Variants in SATB2 observed in about 807,000 individuals in gnomAD.
SATB2 encodes the protein SATB homeobox 2.
In SATB2, 1 loss-of-function variant was observed where a neutral mutation model predicts 73.4. The observed-to-expected ratio is 0.01, with a 90% CI of 0.00 to 0.06. The LOEUF is 0.06. SATB2 is among the 10% of genes least tolerant of loss of function. The pLI is 1.00. For synonymous variants in SATB2, 397 were observed against 367.0 expected (o/e 1.08, Z -0.93); for missense variants, 459 against 945.8 (o/e 0.49, Z 6.75).
At chr2:199,372,185 T>C (rs1323914204) in intron 5 of SATB2, among the ~76,000 whole-genome samples, 1 of 152,176 alleles carries the variant, frequency 6.6e-6, no homozygotes, top group Admixed American at 6.5e-5. Flanking sequence ...TATAAAGGTT[T>C]TTGGATGGGA....
chr2:199,414,522 G>A (rs1433873317), intron 3 of SATB2, among the ~76,000 whole-genome samples: 2 of 152,114 alleles, frequency 1.3e-5, no homozygotes, highest in Non-Finnish European at 2.9e-5. Context: ...ATCTCTGACT[G>A]ATCCGGAAAG....
chr2:199,285,723 T>TA lies in SATB2; in HGVS notation c.1741-13052dup, dbSNP rs1181463813. Among the ~76,000 whole-genome samples, 891 of 137,548 alleles carry TA rather than the reference T, an allele frequency of 6.5e-3. 10 individuals are homozygous for TA. The highest frequency in any genetic ancestry group is 0.018 in the African/African-American group (675 of 37,390). The allele number at this position is 137,548 out of a possible 152,430, so 90.2% of individuals were successfully genotyped here. On this transcript the variant is annotated intron_variant, in intron 10 of 10. Coordinates refer to ENST00000417098, the MANE Select transcript of SATB2 (RefSeq NM_001172509.2). ...CACATACAGCTATAGGAGAGGGATT[T>TA]AAAAAAAAAAAGAGAGAGAGAGAGA... is the stretch of plus-strand genomic sequence containing the variant.
At chr2:199,343,498 T>A (rs1407259631) in intron 7 of SATB2, among the ~76,000 whole-genome samples, 4 of 152,214 alleles carry the variant, frequency 2.6e-5, no homozygotes, top group Admixed American at 2.0e-4. Context: ...TAATATACCA[T>A]ATTTTCCATT....
At chr2:199,376,856 T>C (rs1689619468) in intron 5 of SATB2, among the ~76,000 whole-genome samples, 1 of 152,150 alleles carries the variant, frequency 6.6e-6, no homozygotes, top group South Asian at 2.1e-4. Flanking sequence ...ATCTGAAAGA[T>C]AATTTCATCA....
At chr2:199,345,539 C>A (rs1309344125) in intron 7 of SATB2, among the ~76,000 whole-genome samples, 1 of 151,966 alleles carries the variant, frequency 6.6e-6, no homozygotes, top group Admixed American at 6.6e-5. Flanking sequence ...TTACTCCAAC[C>A]ACTCTTTCCA....
At chr2:199,339,684 A>G (rs1688447818) in intron 7 of SATB2, among the ~76,000 whole-genome samples, 1 of 152,200 alleles carries the variant, frequency 6.6e-6, no homozygotes, top group Admixed American at 6.5e-5. Flanking sequence ...ATAGTGAGAA[A>G]TAATGATGAC....
At chr2:199,369,091 T>TTTTTTTAATG in intron 5 of SATB2, 2 of 195,386 alleles carry the variant, frequency 1.0e-5, no homozygotes, top group Non-Finnish European at 1.1e-5. Flanking sequence ...GCAACAAGCT[T>TTTTTTTAATG]ACACAGCCAA....
intron 10 of SATB2, among the ~76,000 whole-genome samples, chr2:199,297,541 G>A (rs1687146101): frequency 6.6e-6 from 1 of 152,118 alleles, no homozygotes; most frequent in Admixed American, 6.5e-5. Flanking sequence ...TTCATCTTCT[G>A]GTAGCCTGAA....
chr2:199,354,997 G>GA (rs1303590595), intron 6 of SATB2, among the ~76,000 whole-genome samples: 2 of 151,882 alleles, frequency 1.3e-5, no homozygotes, highest in Admixed American at 1.3e-4. Context: ...CCTCCCTCAG[G>GA]AATTTACCTG....
chr2:199,319,502 A>G (rs1687827219), intron 9 of SATB2, among the ~76,000 whole-genome samples: 4 of 151,994 alleles, frequency 2.6e-5, no homozygotes, highest in African/African-American at 9.7e-5. Flanking sequence ...CCTTGTCTGT[A>G]TGGAACAGAA....
chr2:199,288,659 A>T (rs1213020385), intron 10 of SATB2, among the ~76,000 whole-genome samples: 2 of 152,232 alleles, frequency 1.3e-5, no homozygotes, highest in Non-Finnish European at 2.9e-5. Context: ...ACTTAATAAC[A>T]GGACTTGAGA....
chr2:199,401,478 G>A lies in SATB2; in HGVS notation c.347-19658C>T, dbSNP rs539929554. 4.0e-5 allele frequency among the ~76,000 whole-genome samples: 6 copies of A among 151,866 alleles called. No homozygotes were observed. The South Asian group carries it at 8.4e-4, about 21-fold the overall frequency. ...TGAGGCAGGAGAATTGCTTGAACCC[G>A]GGAGGCGGAGGTTGCAGTGAGCTGA... On this transcript the variant is annotated intron_variant, in intron 3 of 10. Coordinates refer to ENST00000417098, the MANE Select transcript of SATB2 (RefSeq NM_001172509.2).
chr2:199,282,092 A>C (rs1444122945), intron 10 of SATB2, among the ~76,000 whole-genome samples: 3 of 152,086 alleles, frequency 2.0e-5, no homozygotes, highest in Admixed American at 1.3e-4. Context: ...CATGTTAGCC[A>C]GGATGGTCTC....
At chr2:199,313,845 T>C (rs1399318248) in intron 9 of SATB2, among the ~76,000 whole-genome samples, 1 of 152,086 alleles carries the variant, frequency 6.6e-6, no homozygotes, top group Non-Finnish European at 1.5e-5. Context: ...GAGGCAACAA[T>C]AAAAAAACAC....
chr2:199,464,781 C>T lies in SATB2; in HGVS notation c.-141+55G>A, dbSNP rs2105968925. On this transcript the variant is annotated intron_variant, in intron 1 of 11. Coordinates refer to the SATB2 transcript ENST00000260926. This position sits in a 1 kb window ranked among gnomAD's most constrained non-coding sequence, Gnocchi z 6.6. ...TGATGCCCGGTGTCCTACCCTAGGCCACGCGGAGCTCTCTCCCGGCGTGTC... is the reference window on the plus strand; with the variant it reads ...TGATGCCCGGTGTCCTACCCTAGGCTACGCGGAGCTCTCTCCCGGCGTGTC... The T allele has an allele frequency of 6.6e-6, 1 of 152,506 alleles. No homozygotes were observed. Among genetic ancestry groups the T allele is most frequent in the East Asian group, 1.9e-4 (1 of 5,156 alleles). The allele number at this position is 152,506 out of a possible 1,614,324, so 9.4% of individuals were successfully genotyped here. A position where few individuals can be genotyped will look rare whatever the true frequency, so the allele number is the denominator to read the frequency against.
intron 1 of SATB2, among the ~76,000 whole-genome samples, chr2:199,456,339 C>T (rs969300745): frequency 6.6e-6 from 1 of 152,218 alleles, no homozygotes; most frequent in Non-Finnish European, 1.5e-5. Flanking sequence ...AGTCAGCCCT[C>T]GGGGTCGCGG....
At chr2:199,429,005 C>CA (rs575684723) in intron 3 of SATB2, among the ~76,000 whole-genome samples, 1,577 of 62,102 alleles carry the variant, frequency 0.025, 17 homozygotes, top group East Asian at 0.1. Flanking sequence ...GACTCTGTCT[C>CA]AAAAAAAAAA....
chr2:199,374,730 G>A (rs973812326), intron 5 of SATB2, among the ~76,000 whole-genome samples: 4 of 152,080 alleles, frequency 2.6e-5, no homozygotes, highest in Admixed American at 1.3e-4. Context: ...TTGGGAGGCC[G>A]AGGCAGGAGG....
At chr2:199,303,112 C>T (rs910415949) in intron 10 of SATB2, among the ~76,000 whole-genome samples, 5 of 152,180 alleles carry the variant, frequency 3.3e-5, no homozygotes, top group Admixed American at 6.5e-5. Context: ...GGCTGTCGCA[C>T]GTTAGCAGTG....
Sources: allele counts gnomAD v4.1 joint callset (sites outside exome capture counted in the v4.1 genomes callset), GRCh38; gene constraint gnomAD v4.1.1; non-coding constraint Gnocchi (gnomAD v3.1); transcripts MANE v1.5; gene names NCBI Gene and HGNC (gene_info 2026-07-23, HGNC 2026-07-21).